LNX1: variants seen among roughly 807,000 people sequenced by gnomAD.
The protein encoded by LNX1 is ligand of numb-protein X 1.
Under a neutral mutation model 68.4 loss-of-function variants are expected in LNX1, and 54 were observed. That is an observed-to-expected ratio of 0.79 (90% CI 0.63 to 0.99). The LOEUF (loss-of-function observed/expected upper bound fraction) is 0.99. LNX1 is among the 50% of genes least tolerant of loss of function. The pLI, the probability that LNX1 is intolerant of heterozygous loss-of-function variation, is 0.00. For missense variants in LNX1, 906 were observed against 926.4 expected, an observed-to-expected ratio of 0.98 and a Z score of 0.29; for synonymous variants, 336 against 350.0, an observed-to-expected ratio of 0.96 and a Z score of 0.45.
intron 2 of LNX1, among the ~76,000 whole-genome samples, chr4:53,615,470 C>T (rs1028636388): frequency 1.3e-5 from 2 of 152,158 alleles, no homozygotes; most frequent in Non-Finnish European, 2.9e-5. Context: ...AGCCTAGCTC[C>T]CTCGTGTATG....
At chr4:53,561,495 G>A (rs1560666941) in intron 2 of LNX1, among the ~76,000 whole-genome samples, 1 of 152,072 alleles carries the variant, frequency 6.6e-6, no homozygotes, top group Non-Finnish European at 1.5e-5. Context: ...CAAAGTGCTG[G>A]GATTACAAGC....
intron 1 of LNX1, among the ~76,000 whole-genome samples, chr4:53,585,273 T>C (rs977418780): frequency 3.9e-5 from 6 of 152,192 alleles, no homozygotes; most frequent in African/African-American, 1.4e-4. Flanking sequence ...CACTTACTAC[T>C]GTGGCATGAA....
intron 1 of LNX1, among the ~76,000 whole-genome samples, chr4:53,648,754 T>C (rs1274016841): frequency 1.3e-5 from 2 of 152,192 alleles, no homozygotes; most frequent in Non-Finnish European, 2.9e-5. Context: ...CTATGGCAAA[T>C]AGACTTTCAG....
At chr4:53,645,461 A>T (rs1366654651) in intron 1 of LNX1, among the ~76,000 whole-genome samples, 1 of 152,184 alleles carries the variant, frequency 6.6e-6, no homozygotes, top group Non-Finnish European at 1.5e-5. Flanking sequence ...AGAAAAGGGA[A>T]GGTGGATTTG....
intron 1 of LNX1, among the ~76,000 whole-genome samples, chr4:53,650,328 C>G (rs957910461): frequency 6.6e-6 from 1 of 152,166 alleles, no homozygotes; most frequent in African/African-American, 2.4e-5. Context: ...TCAGGGCAGC[C>G]CAGAACAAAG....
At position 53,505,617 on chromosome 4, in the gene LNX1, G is replaced by C. The variant is rs74765964; in HGVS notation, c.775+1700C>G. Among the ~76,000 whole-genome samples the C allele has an allele frequency of 5.2e-4, 79 of 152,308 alleles. 1 individual carries two copies. The East Asian group carries it at 0.014, about 27-fold the overall frequency. ...CTTTAATAAGAGGAAGAGACTGGTGGAAAGGAAGTTCTAATCTTTTCATTT... is the reference window on the plus strand; with the variant it reads ...CTTTAATAAGAGGAAGAGACTGGTGCAAAGGAAGTTCTAATCTTTTCATTT... On this transcript the variant is annotated intron_variant, in intron 4 of 10. Transcript: ENST00000263925.
chr4:53,532,254 T>A lies in LNX1; in HGVS notation c.381-24027A>T, dbSNP rs554222275. 6.6e-5 allele frequency among the ~76,000 whole-genome samples: 10 copies of A among 152,228 alleles called. No individual in the cohort carries two copies. The East Asian group carries it at 1.2e-3, about 18-fold the overall frequency. On this transcript the variant is annotated intron_variant, in intron 2 of 10. Transcript: ENST00000263925. The stretch of plus-strand genomic sequence containing the variant: ...ACTTGGGGGTGCTGAGGCAGGCAGA[T>A]CACCTGAGGTCAGGAGTTCAAGACA...
intron 4 of LNX1, among the ~76,000 whole-genome samples, chr4:53,504,573 A>T (rs1725736675): frequency 1.3e-5 from 2 of 152,200 alleles, no homozygotes; most frequent in South Asian, 2.1e-4. Flanking sequence ...CCCTTCAAGA[A>T]CTTTTCCTTT....
intron 6 of LNX1, among the ~76,000 whole-genome samples, chr4:53,492,743 G>C (rs1724787854): frequency 6.6e-6 from 1 of 152,170 alleles, no homozygotes; most frequent in Non-Finnish European, 1.5e-5. Flanking sequence ...TGGGTAAATA[G>C]AGGTGCCATT....
intron 2 of LNX1, among the ~76,000 whole-genome samples, chr4:53,529,102 A>AACACACACACACACACACACACAC (rs201017055): frequency 0.01 from 1,427 of 138,264 alleles, 17 homozygotes; most frequent in East Asian, 0.024. Flanking sequence ...AGTCCTGACC[A>AACACACACACACACACACACACAC]ACACACACAC....
At chr4:53,497,614 G>A (rs1473399743) in intron 5 of LNX1, among the ~76,000 whole-genome samples, 1 of 152,180 alleles carries the variant, frequency 6.6e-6, no homozygotes, top group Non-Finnish European at 1.5e-5. Context: ...CAGCCCTTTT[G>A]TTTGTAAGCT....
intron 2 of LNX1, among the ~76,000 whole-genome samples, chr4:53,571,090 C>T (rs913502720): frequency 2.0e-5 from 3 of 150,066 alleles, no homozygotes; most frequent in Admixed American, 6.6e-5. Context: ...CTAATCTTGG[C>T]TTACTGGCAG....
chr4:53,632,443 AC>A (rs1393530704), intron 1 of LNX1, among the ~76,000 whole-genome samples: 2 of 151,932 alleles, frequency 1.3e-5, no homozygotes, highest in African/African-American at 4.8e-5. Flanking sequence ...TTGAGATGTT[AC>A]CCCCTACACT....
intron 1 of LNX1, among the ~76,000 whole-genome samples, chr4:53,637,584 G>A (rs1451032479): frequency 6.6e-6 from 1 of 152,060 alleles, no homozygotes; most frequent in Non-Finnish European, 1.5e-5. Flanking sequence ...TGTAAGGTAG[G>A]CTTGTTTCAT....
At chr4:53,575,617 C>T in intron 1 of LNX1, 1 of 1,309,066 alleles carries the variant, frequency 7.6e-7, no homozygotes, top group Non-Finnish European at 9.7e-7. Flanking sequence ...TGGGACCAGG[C>T]CCGCTTTTGG....
chr4:53,507,851 C>T (rs1726021835), intron 3 of LNX1, 135 bp downstream of exon 3: 5 of 1,162,504 alleles, frequency 4.3e-6, no homozygotes, highest in Non-Finnish European at 6.0e-6. Flanking sequence ...GCGAATTGGA[C>T]ATTGGGTTCC....
At chr4:53,632,021 G>A (rs1734296029) in intron 1 of LNX1, among the ~76,000 whole-genome samples, 2 of 152,216 alleles carry the variant, frequency 1.3e-5, no homozygotes, top group South Asian at 4.1e-4. Flanking sequence ...AGCGGCCAAA[G>A]CTCCTGGGTC....
At chr4:53,574,225 G>T in intron 1 of LNX1, 137 bp from the exon 2 acceptor site, 2 of 678,252 alleles carry the variant, frequency 2.9e-6, no homozygotes, top group Non-Finnish European at 4.7e-6. Flanking sequence ...GGTCCACTCT[G>T]GAGTGACTGA....
intron 2 of LNX1, among the ~76,000 whole-genome samples, chr4:53,546,243 G>A (rs6853185): frequency 0.98 from 149,878 of 152,334 alleles, 73,780 homozygotes; most frequent in Middle Eastern, 1. Flanking sequence ...AGCATATTCA[G>A]ACATAAAGCC....
Sources: gnomAD v4.1 joint callset for allele counts (sites outside exome capture counted in the v4.1 genomes callset) on GRCh38, gnomAD v4.1.1 for gene constraint, MANE v1.5 for transcripts, NCBI Gene and HGNC (gene_info 2026-07-23, HGNC 2026-07-21) for gene names.